The following ABCC4 variants were observed in gnomAD, a reference collection of about 807,000 sequenced individuals.
ABCC4 encodes ATP binding cassette subfamily C member 4 (PEL blood group).
ABCC4 carries 102 observed loss-of-function variants against 168.5 expected under a neutral mutation model. The ratio of observed to expected loss-of-function variants is 0.61; its 90% confidence interval spans 0.52 to 0.71. The LOEUF (loss-of-function observed/expected upper bound fraction) is 0.71. Ranked by LOEUF, ABCC4 falls within the 30% of genes least tolerant of loss-of-function variation. The pLI is 0.00. For missense variants in ABCC4, 1,402 were observed against 1,605.8 expected (o/e 0.87, Z 2.17); for synonymous variants, 617 against 590.7 (o/e 1.04, Z -0.65).
intron 10 of ABCC4, 45 bp downstream of exon 10, chr13:95,188,408 G>T: frequency 6.4e-7 from 1 of 1,557,330 alleles, no homozygotes; most frequent in Non-Finnish European, 8.9e-7. Context: ...AAGTTAATAT[G>T]ATAAGTGGGG....
At chr13:95,097,844 TC>T (rs2034660993) in intron 20 of ABCC4, among the ~76,000 whole-genome samples, 1 of 151,570 alleles carries the variant, frequency 6.6e-6, no homozygotes, top group Non-Finnish European at 1.5e-5. Flanking sequence ...CTTCAGAAAG[TC>T]AACTCATGGG....
intron 30 of ABCC4, among the ~76,000 whole-genome samples, chr13:95,024,945 T>C (rs2031316936): frequency 6.6e-6 from 1 of 152,010 alleles, no homozygotes; most frequent in Non-Finnish European, 1.5e-5. Context: ...AATGGGGCTG[T>C]GGCAAGGCTG....
chr13:95,024,684 G>A (rs1270994271), intron 30 of ABCC4, among the ~76,000 whole-genome samples: 1 of 152,108 alleles, frequency 6.6e-6, no homozygotes, highest in African/African-American at 2.4e-5. Context: ...AAGGCCTCAA[G>A]TTCATCATTT....
chr13:95,046,250 T>C (rs1182396250), intron 27 of ABCC4, among the ~76,000 whole-genome samples: 1 of 152,178 alleles, frequency 6.6e-6, no homozygotes, highest in African/African-American at 2.4e-5. Context: ...AAAAGGTCTT[T>C]TCTAAGACCG....
chr13:95,244,621 G>GAAAGAAAGAAAGAAAGAAAGAAAGAA lies in ABCC4; in HGVS notation c.306+2328_306+2353dup, dbSNP rs2040043623. Among the ~76,000 whole-genome samples, 12 of 67,240 alleles carry GAAAGAAAGAAAGAAAGAAAGAAAGAA rather than the reference G, an allele frequency of 1.8e-4. 2 individuals carry two copies. The highest frequency in any genetic ancestry group is 3.0e-4 in the African/African-American group (4 of 13,452). 44.1% of individuals were successfully genotyped at this position (67,240 alleles called of 152,430 possible). A position where few individuals can be genotyped will look rare whatever the true frequency, so the allele number is the denominator to read the frequency against. On this transcript the variant is annotated intron_variant, in intron 3 of 30. Transcript: ENST00000645237. ...TGAAAGAAAGAAAGAAAGAAAGAAA[G>GAAAGAAAGAAAGAAAGAAAGAAAGAA]AAAGAAAGAAAGAAAGAAAGAAAGA...
chr13:95,025,471 C>CCCATACAT (rs2031489491), intron 30 of ABCC4, among the ~76,000 whole-genome samples: 1 of 53,698 alleles, frequency 1.9e-5, no homozygotes, highest in African/African-American at 6.0e-5. Context: ...CACCCACACA[C>CCCATACAT]CCATACACAT....
chr13:95,279,850 AG>A (rs2041069571), intron 1 of ABCC4, among the ~76,000 whole-genome samples: 1 of 152,182 alleles, frequency 6.6e-6, no homozygotes, highest in East Asian at 1.9e-4. Context: ...AGGGCCCCCC[AG>A]GAACAACAGA....
At chr13:95,100,266 A>AT (rs1331209502) in intron 20 of ABCC4, among the ~76,000 whole-genome samples, 1 of 152,118 alleles carries the variant, frequency 6.6e-6, no homozygotes, top group Non-Finnish European at 1.5e-5. Flanking sequence ...GAGACTCTTA[A>AT]TTTTTTTCTT....
chr13:95,170,708 A>T (rs2037440627), intron 13 of ABCC4, 80 bp from the exon 14 acceptor site: 2 of 812,660 alleles, frequency 2.5e-6, no homozygotes, highest in Non-Finnish European at 3.9e-6. Context: ...TTGAAACCGT[A>T]GTCAAAGACA....
chr13:95,096,381 A>G (rs2034599984), intron 20 of ABCC4, among the ~76,000 whole-genome samples: 2 of 152,148 alleles, frequency 1.3e-5, no homozygotes, highest in Admixed American at 6.6e-5. Context: ...CAGTCCCAGA[A>G]GTTAAGGAGT....
intron 25 of ABCC4, among the ~76,000 whole-genome samples, chr13:95,064,497 ACAC>A (rs1448244988): frequency 9.9e-6 from 1 of 101,286 alleles, no homozygotes; most frequent in African/African-American, 3.4e-5. Flanking sequence ...ACACACACAC[ACAC>A]GTGTATGTGT....
At chr13:95,128,003 T>A (rs1242708993) in intron 19 of ABCC4, among the ~76,000 whole-genome samples, 2 of 152,184 alleles carry the variant, frequency 1.3e-5, no homozygotes, top group African/African-American at 4.8e-5. Context: ...AAGAAAAAGG[T>A]AAAATCCAGA....
intron 4 of ABCC4, among the ~76,000 whole-genome samples, chr13:95,212,801 A>G (rs140584605): frequency 3.9e-5 from 6 of 152,066 alleles, no homozygotes; most frequent in Non-Finnish European, 8.8e-5. Flanking sequence ...CAGATAGGAT[A>G]AAAAAAATCA....
chr13:95,301,081 A>G (rs1230585809), intron 1 of ABCC4, among the ~76,000 whole-genome samples, 160 bp downstream of exon 1: 1 of 151,764 alleles, frequency 6.6e-6, no homozygotes, highest in Non-Finnish European at 1.5e-5. Flanking sequence ...GGGCGGCGCC[A>G]CCCGCAGCAG....
intron 20 of ABCC4, among the ~76,000 whole-genome samples, chr13:95,085,049 C>T (rs1014058002): frequency 2.6e-5 from 4 of 152,198 alleles, no homozygotes; most frequent in South Asian, 2.1e-4. Context: ...CAGTGGGGGA[C>T]GTGCAGATTC....
chr13:95,277,667 T>A (rs563909832), intron 1 of ABCC4, among the ~76,000 whole-genome samples: 1 of 151,858 alleles, frequency 6.6e-6, no homozygotes, highest in African/African-American at 2.4e-5. Context: ...AGGCAGAGTT[T>A]CCCAGGAGGA....
In ABCC4 at chr13:95,288,614, T is replaced by C. The variant is rs1396085206; in HGVS notation, c.74+12627A>G. Among the ~76,000 whole-genome samples the C allele has an allele frequency of 3.3e-5, 5 of 152,292 alleles. No homozygotes were observed. The East Asian group carries it at 9.7e-4, about 29-fold the overall frequency. On this transcript the variant is annotated intron_variant, in intron 1 of 30. Coordinates refer to ENST00000645237, the MANE Select transcript of ABCC4 (RefSeq NM_005845.5). ...TGAGGTCAGGAGTTCAAGACCAGCC[T>C]GGCCAACATGGCAAAGTCCCATCTC...
At chr13:95,134,932 G>GA (rs1566452141) in intron 19 of ABCC4, among the ~76,000 whole-genome samples, 1 of 152,024 alleles carries the variant, frequency 6.6e-6, no homozygotes, top group Non-Finnish European at 1.5e-5. Context: ...AACTTGGGGG[G>GA]AAAAACAGAC....
At chr13:95,084,532 A>ATT (rs1395287189) in intron 20 of ABCC4, among the ~76,000 whole-genome samples, 1 of 152,136 alleles carries the variant, frequency 6.6e-6, no homozygotes, top group African/African-American at 2.4e-5. Flanking sequence ...ATTACAATAT[A>ATT]TTGAATTTTA....
Sources: allele counts gnomAD v4.1 joint callset (sites outside exome capture counted in the v4.1 genomes callset), GRCh38; gene constraint gnomAD v4.1.1; transcripts MANE v1.5; gene names NCBI Gene and HGNC (gene_info 2026-07-23, HGNC 2026-07-21).